The following NPC1 variants were observed in gnomAD, a reference collection of about 807,000 sequenced individuals.
The protein encoded by NPC1 is Niemann-Pick C1 protein.
A neutral mutation model predicts 140.4 loss-of-function variants in NPC1; 85 were observed. The observed-to-expected ratio is 0.61, with a 90% CI of 0.51 to 0.72. NPC1 has a LOEUF of 0.72. NPC1 is among the 30% of genes least tolerant of loss of function. NPC1 has a pLI of 0.00. For synonymous variants in NPC1, 656 were observed against 624.8 expected, an observed-to-expected ratio of 1.05 and a Z score of -0.74; for missense variants, 1,504 against 1,623.8, an observed-to-expected ratio of 0.93 and a Z score of 1.27.
chr18:23,585,992 A>C (rs527604416), intron 1 of NPC1, among the ~76,000 whole-genome samples: 1 of 152,282 alleles, frequency 6.6e-6, no homozygotes, highest in South Asian at 2.1e-4. Flanking sequence ...ATCCCACTCT[A>C]CCCACTTTCC....
At chr18:23,560,202 T>C in intron 6 of NPC1, 29 bp downstream of exon 6, 2 of 1,613,764 alleles carry the variant, frequency 1.2e-6, no homozygotes, top group Non-Finnish European at 1.7e-6. Context: ...TTGCTCTTTT[T>C]GCCCTGGATG....
Position 23,540,433 on chromosome 18 carries a change from A to AT in NPC1, c.2604+14_2604+15insA. 6.8e-7 allele frequency: 1 copy of AT among 1,466,312 alleles called. No individual in the cohort carries two copies. Among genetic ancestry groups the AT allele is most frequent in the Non-Finnish European group, 9.5e-7 (1 of 1,057,576 alleles). The allele number at this position is 1,466,312 out of a possible 1,614,324, so 90.8% of individuals were successfully genotyped here. ...TAAAGAAGTTAAAAAAAAAAAAAAA[A>AT]GGAAGTCATCTTACATCTGGCATCG... On this transcript the variant is annotated intron_variant, in intron 17 of 24. Transcript: ENST00000269228.
rs1390525954 is a variant in NPC1, at chr18:23,586,339, G to A, written c.5C>T (p.Thr2Ile). M[T>I]ARGLALGLLL... ...GAGGCCAAGGGCCAGGCCGCGAGCG[G>A]TCATGCTGTGGCCGCGCAAGGCTGC... The change falls in exon 1 of 25, where the codon ACC becomes ATC. Residue 2 changes from threonine to isoleucine, a missense_variant. Physicochemically the swap from Thr to Ile is moderately conservative, Grantham distance 89 (BLOSUM62 -1). Transcript: ENST00000269228. 2.0e-6 allele frequency: 3 copies of A among 1,533,456 alleles called. No homozygotes were observed. The highest frequency in any genetic ancestry group is 1.2e-5 in the South Asian group (1 of 83,846). 95.0% of individuals were successfully genotyped at this position (1,533,456 alleles called of 1,614,324 possible).
chr18:23,558,587 G>T (rs2058989273), intron 6 of NPC1, among the ~76,000 whole-genome samples: 1 of 152,190 alleles, frequency 6.6e-6, no homozygotes. Flanking sequence ...ACACAAAAAT[G>T]TAATATGGGA....
chr18:23,541,436 G>A lies in NPC1; in HGVS notation c.2246-3C>T. 1.2e-6 allele frequency: 2 copies of A among 1,614,236 alleles called. No homozygotes were observed. The highest frequency in any genetic ancestry group is 1.7e-6 in the Non-Finnish European group (2 of 1,180,044). On this transcript the variant is annotated splice_region_variant and splice_polypyrimidine_tract_variant and intron_variant, in intron 14 of 24. Coordinates refer to ENST00000269228, the MANE Select transcript of NPC1 (RefSeq NM_000271.5). The stretch of plus-strand genomic sequence containing the variant: ...GGCTGGCATCACGGACAATGCTCCT[G>A]TCGGGGAGAGAAGGGCTCTGCGTCA...
downstream of NPC1, chr18:23,524,433 T>G: frequency 6.2e-7 from 1 of 1,614,106 alleles, no homozygotes; most frequent in Non-Finnish European, 8.5e-7. Context: ...ATGTGGATTC[T>G]TCATCTTGGA....
At chr18:23,554,659 G>A in intron 9 of NPC1, 99 bp downstream of exon 9, 2 of 838,826 alleles carry the variant, frequency 2.4e-6, no homozygotes. Flanking sequence ...CTTGTTGTTT[G>A]CTCACCTCTG....
downstream of NPC1, chr18:23,519,107 A>G: frequency 6.2e-7 from 1 of 1,614,238 alleles, no homozygotes; most frequent in South Asian, 1.1e-5. Flanking sequence ...TTGAAGTTAA[A>G]TAGGACGGGA....
downstream of NPC1, chr18:23,526,898 G>A: frequency 1.7e-6 from 2 of 1,203,102 alleles, no homozygotes; most frequent in Non-Finnish European, 2.3e-6. Flanking sequence ...GTGAGGGGTG[G>A]CTATGTGACC....
At chr18:23,526,397 GAA>G (rs1213339382), downstream of NPC1, among the ~76,000 whole-genome samples, 1 of 152,194 alleles carries the variant, frequency 6.6e-6, no homozygotes, top group African/African-American at 2.4e-5. Flanking sequence ...AGGTTACTTG[GAA>G]AAGAGTCAGC....
At chr18:23,555,506 G>T (rs1331724064) in intron 8 of NPC1, among the ~76,000 whole-genome samples, 1 of 152,242 alleles carries the variant, frequency 6.6e-6, no homozygotes, top group Non-Finnish European at 1.5e-5. Context: ...GTAGAGAAAA[G>T]ATTCAAGTCT....
At chr18:23,583,399 TAA>T (rs1230326538) in intron 1 of NPC1, among the ~76,000 whole-genome samples, 1 of 152,076 alleles carries the variant, frequency 6.6e-6, no homozygotes, top group Admixed American at 6.6e-5. Context: ...GCAGTTTAAA[TAA>T]AGATTCAGAA....
At chr18:23,507,046 A>G in intron 3 of NPC1, 1 of 1,601,722 alleles carries the variant, frequency 6.2e-7, no homozygotes, top group Non-Finnish European at 8.5e-7. Context: ...GAGGACCTCA[A>G]AGACTGTGGT....
intron 22 of NPC1, 37 bp from the exon 23 acceptor site, chr18:23,534,596 C>G (rs754331171): frequency 1.3e-6 from 2 of 1,534,264 alleles, no homozygotes; most frequent in Non-Finnish European, 9.0e-7. Flanking sequence ...GGCTCTCTTC[C>G]TGTTGAAGAC....
chr18:23,540,382 T>A, intron 17 of NPC1, 66 bp downstream of exon 17: 1 of 1,080,006 alleles, frequency 9.3e-7, no homozygotes. Context: ...TACGTGCATG[T>A]TTTGAAAAAT....
chr18:23,535,748 A>C (rs769026820), intron 21 of NPC1, 48 bp from the exon 22 acceptor site: 1 of 1,227,926 alleles, frequency 8.1e-7, no homozygotes, highest in East Asian at 2.3e-5. Flanking sequence ...TCACTCCCGA[A>C]CACTGCGTGT....
chr18:23,516,532 A>G, intron 3 of NPC1: 14 of 1,083,986 alleles, frequency 1.3e-5, no homozygotes, highest in Non-Finnish European at 1.8e-5. Flanking sequence ...TAGAACACAT[A>G]AGGAGGACTC....
downstream of NPC1, chr18:23,529,647 A>C (rs2058425560): frequency 2.5e-6 from 4 of 1,614,104 alleles, no homozygotes; most frequent in Non-Finnish European, 3.4e-6. Context: ...GATGCCTCAT[A>C]AATTTGTGAT....
chr18:23,542,238 A>G (rs2058722495), intron 14 of NPC1, among the ~76,000 whole-genome samples: 1 of 122,206 alleles, frequency 8.2e-6, no homozygotes, highest in Non-Finnish European at 1.9e-5. Flanking sequence ...AATAGTAGTG[A>G]AAAAAAGAAA....
Sources: gnomAD v4.1 joint callset for allele counts (sites outside exome capture counted in the v4.1 genomes callset) on GRCh38, gnomAD v4.1.1 for gene constraint, MANE v1.5 for transcripts, NCBI Gene and HGNC (gene_info 2026-07-23, HGNC 2026-07-21) for gene names.